Variants in SLC4A10 observed in about 807,000 individuals in gnomAD.
SLC4A10 encodes sodium-driven chloride bicarbonate exchanger.
Under a neutral mutation model 137.7 loss-of-function variants are expected in SLC4A10, and 42 were observed. The ratio of observed to expected loss-of-function variants is 0.30; its 90% CI spans 0.24 to 0.39. The LOEUF is 0.39. Among genes scored for constraint, SLC4A10 ranks in the 10% least tolerant of loss-of-function variants. The pLI is 1.00. For synonymous variants in SLC4A10, 474 were observed against 464.1 expected (o/e 1.02, Z -0.27); for missense variants, 925 against 1,355.0 (o/e 0.68, Z 4.98).
intron 15 of SLC4A10, among the ~76,000 whole-genome samples, chr2:161,928,215 C>T (rs1233545114): frequency 6.7e-6 from 1 of 149,616 alleles, no homozygotes; most frequent in African/African-American, 2.5e-5. Flanking sequence ...AGTTCATGTC[C>T]TTTGTAGGGA....
intron 4 of SLC4A10, among the ~76,000 whole-genome samples, chr2:161,848,190 T>C (rs954004272): frequency 1.3e-5 from 2 of 152,158 alleles, no homozygotes; most frequent in Admixed American, 1.3e-4. Flanking sequence ...TTTTGAGAAG[T>C]GTCTGTTAAT....
At chr2:161,968,673 A>T (rs1392225324) in intron 23 of SLC4A10, among the ~76,000 whole-genome samples, 1 of 152,174 alleles carries the variant, frequency 6.6e-6, no homozygotes, top group Non-Finnish European at 1.5e-5. Context: ...ACAGTCAAGA[A>T]ATAATCTATA....
At chr2:161,847,838 A>G (rs2059597626) in intron 4 of SLC4A10, among the ~76,000 whole-genome samples, 2 of 152,186 alleles carry the variant, frequency 1.3e-5, no homozygotes, top group South Asian at 4.1e-4. Context: ...ATGAACATAC[A>G]TGTGCATGTG....
intron 1 of SLC4A10, among the ~76,000 whole-genome samples, chr2:161,644,780 T>TA (rs1171014014): frequency 6.6e-6 from 1 of 152,238 alleles, no homozygotes; most frequent in Non-Finnish European, 1.5e-5. Context: ...TAGGTGTTCA[T>TA]AAGCTTCTGT....
At chr2:161,697,738 A>T (rs4664435) in intron 1 of SLC4A10, among the ~76,000 whole-genome samples, 8 of 151,836 alleles carry the variant, frequency 5.3e-5, no homozygotes, top group African/African-American at 1.9e-4. Flanking sequence ...GTCAGGTAGC[A>T]TGATGCCTCC....
At chr2:161,873,190 A>G (rs990030501) in intron 7 of SLC4A10, among the ~76,000 whole-genome samples, 1 of 152,204 alleles carries the variant, frequency 6.6e-6, no homozygotes, top group African/African-American at 2.4e-5. Flanking sequence ...TTTAAATAAA[A>G]ACATATTAAG....
At chr2:161,723,649 A>G (rs943249288) in intron 1 of SLC4A10, among the ~76,000 whole-genome samples, 1 of 152,218 alleles carries the variant, frequency 6.6e-6, no homozygotes, top group African/African-American at 2.4e-5. Flanking sequence ...CATGATTTAA[A>G]TCGACTGTTG....
intron 6 of SLC4A10, among the ~76,000 whole-genome samples, chr2:161,870,412 T>C (rs2061044578): frequency 6.6e-6 from 1 of 151,766 alleles, no homozygotes; most frequent in Admixed American, 6.6e-5. Context: ...AACTAAATAA[T>C]TGTTCTTCCA....
At chr2:161,965,011 A>T (rs1559643165) in intron 22 of SLC4A10, 40 bp from the exon 23 acceptor site, 2 of 1,575,776 alleles carry the variant, frequency 1.3e-6, no homozygotes, top group Non-Finnish European at 8.6e-7. Flanking sequence ...TCTCGTTTTA[A>T]TTTTTTTTCC....
intron 2 of SLC4A10, among the ~76,000 whole-genome samples, chr2:161,785,819 A>G (rs1402069628): frequency 6.6e-6 from 1 of 151,984 alleles, no homozygotes; most frequent in Non-Finnish European, 1.5e-5. Context: ...CATTCAACAT[A>G]GTACTAGAAG....
chr2:161,978,886 A>C (rs560494248), intron 26 of SLC4A10, among the ~76,000 whole-genome samples: 23 of 152,256 alleles, frequency 1.5e-4, no homozygotes, highest in African/African-American at 5.3e-4. Context: ...TTTTATTCTA[A>C]AACATGCTTT....
intron 4 of SLC4A10, among the ~76,000 whole-genome samples, chr2:161,854,749 T>G (rs936388453): frequency 3.3e-5 from 5 of 152,192 alleles, no homozygotes; most frequent in African/African-American, 1.2e-4. Context: ...AACATGAGTT[T>G]TCCTTTTTTT....
intron 15 of SLC4A10, among the ~76,000 whole-genome samples, chr2:161,911,141 A>T (rs1168554717): frequency 6.6e-6 from 1 of 152,028 alleles, no homozygotes; most frequent in Non-Finnish European, 1.5e-5. Flanking sequence ...TTAATGGAAC[A>T]TGTTGCAAAA....
chr2:161,636,162 G>T (rs984464590), intron 1 of SLC4A10, among the ~76,000 whole-genome samples: 1 of 151,768 alleles, frequency 6.6e-6, no homozygotes, highest in Non-Finnish European at 1.5e-5. Context: ...AATTTTTTTT[G>T]AAATTCATGC....
At chr2:161,753,220 C>T (rs1319014028) in intron 1 of SLC4A10, among the ~76,000 whole-genome samples, 1 of 152,066 alleles carries the variant, frequency 6.6e-6, no homozygotes, top group African/African-American at 2.4e-5. Flanking sequence ...TTTTCAGCTT[C>T]ATTTTTATAC....
Position 161,904,046 on chromosome 2 carries a change from A to G in SLC4A10, c.1485A>G (p.Pro495=), listed in dbSNP as rs752163297. 1.3e-6 allele frequency: 2 copies of G among 1,595,528 alleles called. No individual in the cohort carries two copies. Among genetic ancestry groups the G allele is most frequent in the Middle Eastern group, 1.7e-4 (1 of 6,038 alleles). Reference sequence around the variant, plus strand: ...TTTTAGATATCAAAAGAAAAGCTCCATACTTCTGGAGTGACTTCAGAGATG... The same window carrying G: ...TTTTAGATATCAAAAGAAAAGCTCCGTACTTCTGGAGTGACTTCAGAGATG... ...GLILDIKRKA[P]YFWSDFRDAF... The change falls in exon 13 of 27, where the codon CCA becomes CCG. Residue 495 remains proline (P), a synonymous_variant. Transcript: ENST00000446997.
chr2:161,757,027 T>C (rs1000465236), intron 1 of SLC4A10, among the ~76,000 whole-genome samples: 2 of 152,146 alleles, frequency 1.3e-5, no homozygotes, highest in Admixed American at 6.6e-5. Flanking sequence ...AGAAAGAAGA[T>C]GAATTTTCAA....
At chr2:161,856,392 C>CACAG (rs1206141064) in intron 5 of SLC4A10, among the ~76,000 whole-genome samples, 13 of 148,812 alleles carry the variant, frequency 8.7e-5, no homozygotes, top group Admixed American at 7.4e-4. Flanking sequence ...CACACACACA[C>CACAG]ACACACCACA....
At chr2:161,790,664 G>C (rs150468581) in intron 2 of SLC4A10, among the ~76,000 whole-genome samples, 383 of 152,248 alleles carry the variant, frequency 2.5e-3, no homozygotes, top group African/African-American at 8.8e-3. Flanking sequence ...GTAAATTTCA[G>C]TCTTTTATTG....
Sources: allele counts gnomAD v4.1 joint callset (sites outside exome capture counted in the v4.1 genomes callset), GRCh38; gene constraint gnomAD v4.1.1; transcripts MANE v1.5; gene names NCBI Gene and HGNC (gene_info 2026-07-23, HGNC 2026-07-21).